NKAIN3: variants seen among roughly 807,000 people sequenced by gnomAD.
NKAIN3 encodes the protein sodium/potassium-transporting ATPase subunit beta-1-interacting protein 3.
NKAIN3 carries 25 observed loss-of-function variants against 30.2 expected under a neutral mutation model. That is an observed-to-expected ratio of 0.83 (90% CI 0.60 to 1.16). NKAIN3 has a LOEUF of 1.16. Among genes scored for constraint, NKAIN3 ranks in the 50% most tolerant of loss-of-function variants. The pLI is 0.00. For missense variants in NKAIN3, 225 were observed against 254.1 expected, an observed-to-expected ratio of 0.89 and a Z score of 0.78; for synonymous variants, 91 against 89.6, an observed-to-expected ratio of 1.02 and a Z score of -0.09.
At chr8:62,628,704 T>A (rs4738986) in intron 3 of NKAIN3, among the ~76,000 whole-genome samples, 36,716 of 151,972 alleles carry the variant, frequency 0.24, 4,678 homozygotes, top group East Asian at 0.33. Flanking sequence ...TTAATCACTG[T>A]TATCAGTTTC....
intron 4 of NKAIN3, among the ~76,000 whole-genome samples, chr8:62,896,494 G>T (rs991857448): frequency 6.6e-6 from 1 of 152,058 alleles, no homozygotes; most frequent in African/African-American, 2.4e-5. Flanking sequence ...CAGATCTCAG[G>T]CAGATTTTTT....
chr8:62,468,185 C>T (rs1170338787), intron 1 of NKAIN3, among the ~76,000 whole-genome samples: 1 of 152,030 alleles, frequency 6.6e-6, no homozygotes, highest in Non-Finnish European at 1.5e-5. Context: ...TTATTTAACA[C>T]CTGATATTTT....
intron 1 of NKAIN3, chr8:62,482,735 A>C (rs572141649): frequency 6.6e-6 from 1 of 152,184 alleles, no homozygotes; most frequent in South Asian, 2.1e-4. Flanking sequence ...GCAGACCTAC[A>C]TTTGCAGGGG....
At chr8:62,485,612 C>A (rs1242480039) in intron 1 of NKAIN3, among the ~76,000 whole-genome samples, 1 of 152,194 alleles carries the variant, frequency 6.6e-6, no homozygotes, top group Admixed American at 6.5e-5. Flanking sequence ...AAGAACACAA[C>A]TGAATGCAAC....
intron 1 of NKAIN3, among the ~76,000 whole-genome samples, chr8:62,403,535 G>T (rs1256257561): frequency 6.6e-6 from 1 of 152,192 alleles, no homozygotes; most frequent in Non-Finnish European, 1.5e-5. Context: ...GCTGAAAGAG[G>T]TCAAGTTACA....
intron 4 of NKAIN3, among the ~76,000 whole-genome samples, chr8:62,821,816 T>C (rs1818855465): frequency 6.6e-6 from 1 of 151,350 alleles, no homozygotes; most frequent in Non-Finnish European, 1.5e-5. Flanking sequence ...CCCATGAGTG[T>C]GAGTTTTACT....
intron 1 of NKAIN3, among the ~76,000 whole-genome samples, chr8:62,255,312 A>G (rs1190463226): frequency 6.6e-6 from 1 of 152,202 alleles, no homozygotes; most frequent in Non-Finnish European, 1.5e-5. Context: ...ACTGAGCTAG[A>G]GAGACAGTAG....
intron 1 of NKAIN3, among the ~76,000 whole-genome samples, chr8:62,391,719 A>C (rs1266463660): frequency 2.0e-5 from 3 of 152,122 alleles, no homozygotes; most frequent in Admixed American, 6.5e-5. Flanking sequence ...TAATTTACAG[A>C]TCACGATGGA....
At chr8:62,883,200 T>G (rs552804546) in intron 4 of NKAIN3, among the ~76,000 whole-genome samples, 7 of 152,086 alleles carry the variant, frequency 4.6e-5, no homozygotes, top group Non-Finnish European at 8.8e-5. Context: ...AAACATGAGG[T>G]GTGTCTTCTA....
At chr8:62,894,675 T>C (rs769461177) in intron 4 of NKAIN3, among the ~76,000 whole-genome samples, 5 of 152,150 alleles carry the variant, frequency 3.3e-5, no homozygotes, top group Non-Finnish European at 7.3e-5. Flanking sequence ...ACTTAGACAC[T>C]GAATTAAGCA....
chr8:62,630,189 C>T (rs1811911910), intron 3 of NKAIN3, among the ~76,000 whole-genome samples: 1 of 151,976 alleles, frequency 6.6e-6, no homozygotes, highest in South Asian at 2.1e-4. Flanking sequence ...GAGTTCAGTA[C>T]TATTCTCTTT....
At chr8:62,567,131 G>T (rs537633098) in intron 1 of NKAIN3, among the ~76,000 whole-genome samples, 1 of 151,900 alleles carries the variant, frequency 6.6e-6, no homozygotes, top group African/African-American at 2.4e-5. Flanking sequence ...AATTTTTCTG[G>T]AATGAAAACT....
intron 5 of NKAIN3, among the ~76,000 whole-genome samples, chr8:62,939,270 C>T (rs2353390): frequency 0.51 from 77,053 of 151,950 alleles, 20,135 homozygotes; most frequent in African/African-American, 0.63. Context: ...AACAGCCAAA[C>T]GTAAGAATAA....
chr8:62,832,123 A>G (rs1819215262), intron 4 of NKAIN3, among the ~76,000 whole-genome samples: 1 of 152,102 alleles, frequency 6.6e-6, no homozygotes, highest in East Asian at 1.9e-4. Flanking sequence ...TAAGCTTCAT[A>G]AGTGAGAGAG....
intron 3 of NKAIN3, among the ~76,000 whole-genome samples, chr8:62,676,546 G>A (rs1352403227): frequency 6.6e-6 from 1 of 152,170 alleles, no homozygotes; most frequent in Non-Finnish European, 1.5e-5. Flanking sequence ...TCCAGCCTCC[G>A]CGACAGAGCA....
intron 1 of NKAIN3, among the ~76,000 whole-genome samples, chr8:62,343,543 C>T (rs1815822721): frequency 6.6e-6 from 1 of 152,002 alleles, no homozygotes; most frequent in Non-Finnish European, 1.5e-5. Context: ...GACACAGTGG[C>T]ACACACCTGG....
chr8:62,965,620 TAAAAA>T lies in NKAIN3; in HGVS notation c.*225_*229del, dbSNP rs35150872. On this transcript the variant is annotated 3_prime_UTR_variant, in exon 7 of 7. Transcript: ENST00000623646. ...TTCTTATATGAACACTTGTAAGTTG[TAAAAA>T]AAAAAAAAAAAGAAAAAACAGAATT... 7.9e-6 allele frequency: 7 copies of T among 886,482 alleles called. No homozygotes were observed. In the East Asian group the frequency reaches 3.7e-4, roughly 47 times the overall value. The allele number at this position is 886,482 out of a possible 1,614,324, so 54.9% of individuals were successfully genotyped here.
At chr8:62,735,737 C>A (rs771958396) in intron 3 of NKAIN3, among the ~76,000 whole-genome samples, 19 of 152,050 alleles carry the variant, frequency 1.2e-4, no homozygotes, top group South Asian at 2.1e-4. Context: ...TACCAGAATT[C>A]TTTTTCTGGT....
intron 1 of NKAIN3, among the ~76,000 whole-genome samples, chr8:62,428,028 C>G (rs1024992802): frequency 1.3e-5 from 2 of 151,894 alleles, no homozygotes; most frequent in Non-Finnish European, 2.9e-5. Flanking sequence ...TGTCAACCAC[C>G]ATTCTATTAA....
Sources: gnomAD v4.1 joint callset for allele counts (sites outside exome capture counted in the v4.1 genomes callset) on GRCh38, gnomAD v4.1.1 for gene constraint, MANE v1.5 for transcripts, NCBI Gene and HGNC (gene_info 2026-07-23, HGNC 2026-07-21) for gene names.